TNIK: variants seen among roughly 807,000 people sequenced by gnomAD.
TNIK encodes TRAF2 and NCK-interacting protein kinase.
TNIK carries 49 observed loss-of-function variants against 191.3 expected under a neutral mutation model. The ratio of observed to expected loss-of-function variants is 0.26; its 90% CI spans 0.20 to 0.32. The LOEUF (loss-of-function observed/expected upper bound fraction) is 0.32, where lower values mean the gene tolerates loss of function less well. Among genes scored for constraint, TNIK ranks in the 10% least tolerant of loss-of-function variants. The pLI is 1.00. For missense variants in TNIK, 1,155 were observed against 1,702.3 expected, an observed-to-expected ratio of 0.68 and a Z score of 5.66; for synonymous variants, 594 against 600.9, an observed-to-expected ratio of 0.99 and a Z score of 0.17.
chr3:171,363,888 T>C (rs11714826), intron 2 of TNIK, among the ~76,000 whole-genome samples: 18,268 of 152,238 alleles, frequency 0.12, 1,408 homozygotes, highest in Non-Finnish European at 0.18. Flanking sequence ...AGTCAAATCT[T>C]TGAATAAGCC....
intron 1 of TNIK, among the ~76,000 whole-genome samples, chr3:171,401,587 G>C (rs1720966464): frequency 6.6e-6 from 1 of 151,968 alleles, no homozygotes; most frequent in Non-Finnish European, 1.5e-5. Flanking sequence ...AATAGTCTCT[G>C]TGCACTGCTC....
In TNIK at chr3:171,080,627, T is replaced by C. The variant is rs182323745; in HGVS notation, c.3314-975A>G. ...CTAATTTTTATATTTTTAGTAGAGATGGGGTTTCACCATGTTGGCCAGGCT... is the reference window on the plus strand; with the variant it reads ...CTAATTTTTATATTTTTAGTAGAGACGGGGTTTCACCATGTTGGCCAGGCT... On this transcript the variant is annotated intron_variant, in intron 27 of 32. Transcript: ENST00000436636. Among the ~76,000 whole-genome samples the C allele has an allele frequency of 3.9e-4, 60 of 152,148 alleles. 2 individuals carry two copies. The East Asian group carries it at 0.01, about 26-fold the overall frequency.
chr3:171,250,535 C>T (rs1577250021), intron 2 of TNIK, among the ~76,000 whole-genome samples: 1 of 152,286 alleles, frequency 6.6e-6, no homozygotes, highest in East Asian at 1.9e-4. Context: ...ATATTAACCC[C>T]TTCCATCCTA....
chr3:171,162,689 CTCATT>C (rs1314595009), intron 10 of TNIK, among the ~76,000 whole-genome samples: 2 of 152,154 alleles, frequency 1.3e-5, no homozygotes, highest in Admixed American at 1.3e-4. Context: ...ACTCTGTTCT[CTCATT>C]TATTTTTCAT....
At chr3:171,446,466 G>A (rs1243247559) in intron 1 of TNIK, among the ~76,000 whole-genome samples, 1 of 152,158 alleles carries the variant, frequency 6.6e-6, no homozygotes, top group Non-Finnish European at 1.5e-5. Flanking sequence ...ATTTTAAATG[G>A]AGGATTAGGT....
chr3:171,382,946 G>T (rs541464885), intron 1 of TNIK, among the ~76,000 whole-genome samples: 1 of 152,270 alleles, frequency 6.6e-6, no homozygotes, highest in African/African-American at 2.4e-5. Flanking sequence ...AACAATATTT[G>T]AGAAGAACTG....
At chr3:171,388,239 G>C (rs1391529939) in intron 1 of TNIK, among the ~76,000 whole-genome samples, 1 of 152,122 alleles carries the variant, frequency 6.6e-6, no homozygotes, top group Non-Finnish European at 1.5e-5. Context: ...TTTCCTCTGG[G>C]CAGAGATGTC....
chr3:171,223,929 A>T (rs1742669779), intron 3 of TNIK, among the ~76,000 whole-genome samples: 1 of 152,058 alleles, frequency 6.6e-6, no homozygotes, highest in African/African-American at 2.4e-5. Flanking sequence ...AATAACTCTC[A>T]GGTTTTTCTT....
intron 12 of TNIK, among the ~76,000 whole-genome samples, chr3:171,146,137 T>C (rs1165567287): frequency 6.6e-6 from 1 of 152,218 alleles, no homozygotes; most frequent in Non-Finnish European, 1.5e-5. Flanking sequence ...TCAGAGCAGA[T>C]TGGTGACCGC....
At chr3:171,227,551 A>T (rs866648262) in intron 3 of TNIK, among the ~76,000 whole-genome samples, 1 of 152,110 alleles carries the variant, frequency 6.6e-6, no homozygotes, top group Non-Finnish European at 1.5e-5. Flanking sequence ...TGTTTATGTA[A>T]ATTATTGGCA....
chr3:171,287,845 G>T (rs1751183921), intron 2 of TNIK, among the ~76,000 whole-genome samples: 1 of 152,116 alleles, frequency 6.6e-6, no homozygotes, highest in African/African-American at 2.4e-5. Context: ...AAAACAGGAT[G>T]CTGCTATAAA....
chr3:171,168,836 A>G (rs1188446803), intron 9 of TNIK, among the ~76,000 whole-genome samples: 1 of 152,242 alleles, frequency 6.6e-6, no homozygotes, highest in African/African-American at 2.4e-5. Context: ...TCATGAGCAC[A>G]CTACCTGAGC....
chr3:171,450,626 C>T (rs901793259), intron 1 of TNIK, among the ~76,000 whole-genome samples: 1 of 152,330 alleles, frequency 6.6e-6, no homozygotes, highest in Non-Finnish European at 1.5e-5. Flanking sequence ...GATATGCAAA[C>T]ACAATCCCCC....
Position 171,157,445 on chromosome 3 carries a change from C to G in TNIK, c.1221+15G>C. On this transcript the variant is annotated intron_variant, in intron 12 of 32. Coordinates refer to ENST00000436636, the MANE Select transcript of TNIK (RefSeq NM_015028.4). ...GAGAGGCTTGGGGTCAGAGGTGGCC[C>G]GAGCAGGTCCTCACCTCCTCCAGCC... 5.8e-6 allele frequency: 9 copies of G among 1,553,724 alleles called. No individual in the cohort carries two copies. The highest frequency in any genetic ancestry group is 1.8e-4 in the Middle Eastern group (1 of 5,706).
chr3:171,359,285 C>T (rs183060386), intron 2 of TNIK, among the ~76,000 whole-genome samples: 4 of 152,232 alleles, frequency 2.6e-5, no homozygotes, highest in East Asian at 1.9e-4. Flanking sequence ...TAAACAGTAA[C>T]GGGCAAGTTT....
intron 2 of TNIK, among the ~76,000 whole-genome samples, chr3:171,295,772 G>C (rs1028654935): frequency 2.0e-5 from 3 of 152,170 alleles, no homozygotes; most frequent in Non-Finnish European, 4.4e-5. Context: ...GCCCCATCTG[G>C]CTGGGGGGCA....
chr3:171,271,821 G>A (rs952228081), intron 2 of TNIK, among the ~76,000 whole-genome samples: 2 of 152,040 alleles, frequency 1.3e-5, no homozygotes, highest in African/African-American at 4.8e-5. Flanking sequence ...AAGATGCTAG[G>A]ACTCACATCT....
intron 2 of TNIK, among the ~76,000 whole-genome samples, chr3:171,275,562 T>C (rs1479140404): frequency 6.6e-6 from 1 of 152,200 alleles, no homozygotes; most frequent in Non-Finnish European, 1.5e-5. Flanking sequence ...AGATTCTAAT[T>C]TCTCACAAAA....
At chr3:171,229,354 T>A (rs1261951264) in intron 2 of TNIK, among the ~76,000 whole-genome samples, 1 of 152,204 alleles carries the variant, frequency 6.6e-6, no homozygotes, top group African/African-American at 2.4e-5. Flanking sequence ...GTACCTGGAA[T>A]AGTAAGGGCC....
Sources: allele counts gnomAD v4.1 joint callset (sites outside exome capture counted in the v4.1 genomes callset), GRCh38; gene constraint gnomAD v4.1.1; transcripts MANE v1.5; gene names NCBI Gene and HGNC (gene_info 2026-07-23, HGNC 2026-07-21).